ONECUT2: variants seen among roughly 807,000 people sequenced by gnomAD.
The protein encoded by ONECUT2 is one cut domain family member 2.
In ONECUT2, 10 loss-of-function variants were observed where a neutral mutation model predicts 27.9. The ratio of observed to expected loss-of-function variants is 0.36; its 90% confidence interval spans 0.22 to 0.61. ONECUT2 has a LOEUF of 0.61. Among genes scored for constraint, ONECUT2 ranks in the 20% least tolerant of loss-of-function variants. The pLI is 0.73. For missense variants in ONECUT2, 686 were observed against 721.0 expected (o/e 0.95, Z 0.56); for synonymous variants, 334 against 315.1 (o/e 1.06, Z -0.64).
rs2050456964 is a variant in ONECUT2, at chr18:57,489,961, C to A, written c.*13238C>A. On this transcript the variant is annotated 3_prime_UTR_variant, in exon 2 of 2. Coordinates refer to ENST00000491143, the MANE Select transcript of ONECUT2 (RefSeq NM_004852.3). Reference sequence around the variant, plus strand: ...TTAATTCGTATCTTCGATCACCTAACCTTTCTCAATCCAAGAGCAGTTCAG... The same window carrying A: ...TTAATTCGTATCTTCGATCACCTAAACTTTCTCAATCCAAGAGCAGTTCAG... 1 of 152,168 alleles carries A rather than the reference C, an allele frequency of 6.6e-6. No individual in the cohort carries two copies. The highest frequency in any genetic ancestry group is 1.5e-5 in the Non-Finnish European group (1 of 68,020). The allele number at this position is 152,168 out of a possible 1,614,324, so 9.4% of individuals were successfully genotyped here. A position where few individuals can be genotyped will look rare whatever the true frequency, so the allele number is the denominator to read the frequency against.
rs1484389520 is a variant in ONECUT2 at position 57,486,597 on chromosome 18, C to T, written c.*9874C>T. 2 of 151,738 alleles carry T rather than the reference C, an allele frequency of 1.3e-5. No homozygotes were observed. Among genetic ancestry groups the T allele is most frequent in the Non-Finnish European group, 2.9e-5 (2 of 67,886 alleles). The allele number at this position is 151,738 out of a possible 1,614,324, so 9.4% of individuals were successfully genotyped here. ...AATTATTCACTGTTTCTTTTGGTAA[C>T]TGTGATTTAAAAAAAGAAAAAAGAA... On this transcript the variant is annotated 3_prime_UTR_variant, in exon 2 of 2. Transcript: ENST00000491143.
At chr18:57,464,006 T>G (rs1325100913) in intron 1 of ONECUT2, among the ~76,000 whole-genome samples, 1 of 150,840 alleles carries the variant, frequency 6.6e-6, no homozygotes, top group African/African-American at 2.4e-5. Flanking sequence ...AAAAAAAAAG[T>G]CCCTCATATT....
chr18:57,446,997 G>A (rs1257414129), intron 1 of ONECUT2, among the ~76,000 whole-genome samples: 1 of 152,174 alleles, frequency 6.6e-6, no homozygotes, highest in African/African-American at 2.4e-5. Flanking sequence ...GGATGGGAGA[G>A]AATTAGCATC....
chr18:57,457,764 C>G (rs1481080613), intron 1 of ONECUT2, among the ~76,000 whole-genome samples: 1 of 152,180 alleles, frequency 6.6e-6, no homozygotes, highest in Non-Finnish European at 1.5e-5. Context: ...AAATGTGACA[C>G]ATATACACCA....
chr18:57,436,838 T>A lies in ONECUT2; in HGVS notation c.1122T>A (p.Asn374Lys). ...SQGTLSDLLR[N>K]PKPWSKLKSG... ...GGACTCTCTCCGACCTGCTCCGGAA[T>A]CCAAAACCGTGGAGTAAACTCAAAT... Residue 374 changes from asparagine to lysine, a missense_variant, in exon 1 of 2, where the codon AAT (asparagine) becomes AAA (lysine). Asn to Lys is a moderately conservative substitution (Grantham distance 94, BLOSUM62 0). Transcript: ENST00000491143. The surrounding 1 kb of genome is among the most constrained non-coding windows in gnomAD (Gnocchi z 5.9). The A allele has an allele frequency of 6.2e-7, 1 of 1,613,968 alleles. No homozygotes were observed. Among genetic ancestry groups the A allele is most frequent in the Non-Finnish European group, 8.5e-7 (1 of 1,180,042 alleles).
intron 1 of ONECUT2, among the ~76,000 whole-genome samples, chr18:57,450,434 A>G (rs767873383): frequency 1.2e-4 from 18 of 152,226 alleles, no homozygotes; most frequent in Admixed American, 4.6e-4. Context: ...TTGGCTTCCT[A>G]AAGTATTGGG....
At chr18:57,442,760 A>G (rs1170430278) in intron 1 of ONECUT2, among the ~76,000 whole-genome samples, 1 of 152,134 alleles carries the variant, frequency 6.6e-6, no homozygotes, top group African/African-American at 2.4e-5. Context: ...ATTCCTGGTG[A>G]ATGGTGAGGT....
rs1267402752 is a variant in ONECUT2, at chr18:57,479,491, G to C, written c.*2768G>C. On this transcript the variant is annotated 3_prime_UTR_variant, in exon 2 of 2. Transcript: ENST00000491143. ...TTCTCATTTCTCATGCCATTCCAGAGTTAATTTGCCACTGTGGATGATTTG... is the reference window on the plus strand; with the variant it reads ...TTCTCATTTCTCATGCCATTCCAGACTTAATTTGCCACTGTGGATGATTTG... 2.6e-5 allele frequency: 4 copies of C among 152,604 alleles called. No individual in the cohort carries two copies. The highest frequency in any genetic ancestry group is 2.6e-4 in the Admixed American group (4 of 15,280). The allele number at this position is 152,604 out of a possible 1,614,324, so 9.5% of individuals were successfully genotyped here.
At chr18:57,471,099 T>C (rs2122146143) in intron 1 of ONECUT2, among the ~76,000 whole-genome samples, 1 of 152,310 alleles carries the variant, frequency 6.6e-6, no homozygotes, top group South Asian at 2.1e-4. Context: ...CTCCATGATG[T>C]TCTCCAGTCT....
chr18:57,436,482 A>G lies in ONECUT2; in HGVS notation c.766A>G (p.Lys256Glu). 1.2e-6 allele frequency: 2 copies of G among 1,613,304 alleles called. No individual in the cohort carries two copies. The highest frequency in any genetic ancestry group is 1.7e-6 in the Non-Finnish European group (2 of 1,179,822). ...LPNYGPPGHD[K>E]MLSPNFDAHH... ...CAACTACGGTCCGCCGGGCCACGAC[A>G]AAATGCTCAGCCCCAACTTCGACGC... Residue 256 changes from lysine to glutamate, a missense_variant, in exon 1 of 2, where the codon AAA (lysine) becomes GAA (glutamate). Physicochemically the swap from Lys to Glu is moderately conservative, Grantham distance 56. Around this residue, in one of 4 missense-constraint regions of ONECUT2, gnomAD observed 511 missense variants for 488.1 expected, o/e 1.05. Coordinates refer to ENST00000491143, the MANE Select transcript of ONECUT2 (RefSeq NM_004852.3). The surrounding 1 kb of genome is among the most constrained non-coding windows in gnomAD (Gnocchi z 5.9).
At chr18:57,455,476 G>T (rs2050254079) in intron 1 of ONECUT2, among the ~76,000 whole-genome samples, 1 of 152,086 alleles carries the variant, frequency 6.6e-6, no homozygotes, top group African/African-American at 2.4e-5. Context: ...ATATTCATTA[G>T]TGTTTTCATG....
chr18:57,459,539 G>A (rs1019003057), intron 1 of ONECUT2, among the ~76,000 whole-genome samples: 1 of 152,152 alleles, frequency 6.6e-6, no homozygotes, highest in Admixed American at 6.6e-5. Flanking sequence ...TAACTTTGAT[G>A]TATCAAATTC....
intron 1 of ONECUT2, among the ~76,000 whole-genome samples, chr18:57,437,198 C>A (rs966248306): frequency 2.0e-5 from 3 of 152,036 alleles, no homozygotes; most frequent in Non-Finnish European, 4.4e-5. Context: ...GACCGACCCC[C>A]CCCCATTTCA....
chr18:57,453,393 A>C (rs1273365490), intron 1 of ONECUT2, among the ~76,000 whole-genome samples: 1 of 152,240 alleles, frequency 6.6e-6, no homozygotes, highest in Non-Finnish European at 1.5e-5. Flanking sequence ...ATTGTGTTCT[A>C]TATTACTCAC....
chr18:57,457,784 A>C (rs1245639437), intron 1 of ONECUT2, among the ~76,000 whole-genome samples: 5 of 152,254 alleles, frequency 3.3e-5, no homozygotes, highest in Admixed American at 3.3e-4. Flanking sequence ...ATGGAATACT[A>C]TGCAGCCATA....
rs2050403146 is a variant in ONECUT2 at position 57,479,303 on chromosome 18, A to G, written c.*2580A>G. On this transcript the variant is annotated 3_prime_UTR_variant, in exon 2 of 2. Coordinates refer to ENST00000491143, the MANE Select transcript of ONECUT2 (RefSeq NM_004852.3). ...GTTTCTACTTTTCTATTAGCTTTTT[A>G]AAAATCAGCTGTAAAGTTGCATTTC... 1 of 152,468 alleles carries G rather than the reference A, an allele frequency of 6.6e-6. No homozygotes were observed. Among genetic ancestry groups the G allele is most frequent in the African/African-American group, 2.4e-5 (1 of 41,440 alleles). The allele number at this position is 152,468 out of a possible 1,614,324, so 9.4% of individuals were successfully genotyped here.
rs2279099 is a variant in ONECUT2 at position 57,490,877 on chromosome 18, C to T, written c.*14154C>T. The T allele has an allele frequency of 0.056, 8,618 of 152,672 alleles. 763 individuals are homozygous for T. The highest frequency in any genetic ancestry group is 0.37 in the East Asian group (1,903 of 5,172). 9.5% of individuals were successfully genotyped at this position (152,672 alleles called of 1,614,324 possible). A position where few individuals can be genotyped will look rare whatever the true frequency, so the allele number is the denominator to read the frequency against. On this transcript the variant is annotated 3_prime_UTR_variant, in exon 2 of 2. Transcript: ENST00000491143. ...CACCCCTAAAATTTGCACTCTCTTC[C>T]GTTTTGAAAAAGAAAACCCACACAC...
rs149829014 is a variant in ONECUT2, at chr18:57,440,753, C to T, written c.1228+3809C>T. Among the ~76,000 whole-genome samples the T allele has an allele frequency of 3.2e-3, 490 of 152,314 alleles. 3 individuals carry two copies. The highest frequency in any genetic ancestry group is 0.011 in the African/African-American group (470 of 41,566). ...GGTGACACGGGCCGCTGGGCACCTC[C>T]CAAGCCGAGGAAACGGACCCCCTTC... On this transcript the variant is annotated intron_variant, in intron 1 of 1. Coordinates refer to ENST00000491143, the MANE Select transcript of ONECUT2 (RefSeq NM_004852.3).
intron 1 of ONECUT2, among the ~76,000 whole-genome samples, chr18:57,466,408 C>T (rs1202583812): frequency 1.3e-5 from 2 of 152,170 alleles, no homozygotes; most frequent in Non-Finnish European, 2.9e-5. Flanking sequence ...TACAGGACTT[C>T]GAGATGATTT....
Sources: gnomAD v4.1 joint callset for allele counts (sites outside exome capture counted in the v4.1 genomes callset) on GRCh38, gnomAD v4.1.1 for gene constraint, gnomAD v4.1.1 regional missense constraint, Gnocchi (gnomAD v3.1) non-coding constraint, MANE v1.5 for transcripts, NCBI Gene and HGNC (gene_info 2026-07-23, HGNC 2026-07-21) for gene names.